Variants in CCDC32 observed in about 807,000 individuals in gnomAD.
The protein encoded by CCDC32 is coiled-coil domain containing 32, also known as coiled-coil domain-containing protein 32.
In CCDC32, 9 loss-of-function variants were observed where a neutral mutation model predicts 20.1. The ratio of observed to expected loss-of-function variants is 0.45; its 90% confidence interval spans 0.27 to 0.78. The LOEUF (loss-of-function observed/expected upper bound fraction) is 0.78. CCDC32 is among the 30% of genes least tolerant of loss of function. CCDC32 has a pLI of 0.16. For synonymous variants in CCDC32, 63 were observed against 79.0 expected (o/e 0.80, Z 1.07); for missense variants, 204 against 215.5 (o/e 0.95, Z 0.33).
Position 40,528,835 on chromosome 15 carries a change from C to T in CCDC32, c.402-45G>A, listed in dbSNP as rs184426144. On this transcript the variant is annotated intron_variant, in intron 3 of 3. Coordinates refer to the CCDC32 transcript ENST00000560305. ...AAAAGAAAAGTAAAAGAAAACCCCT[C>T]AACAGTCCTCTTTGCATAATGGTGG... 1.0e-4 allele frequency: 71 copies of T among 688,872 alleles called. 1 individual carries two copies. Among genetic ancestry groups the T allele is most frequent in the African/African-American group, 8.6e-4 (48 of 56,070 alleles). 42.7% of individuals were successfully genotyped at this position (688,872 alleles called of 1,614,324 possible).
downstream of CCDC32, among the ~76,000 whole-genome samples, chr15:40,530,352 G>C (rs1202049651): frequency 1.1e-4 from 17 of 148,358 alleles, 1 homozygote. Flanking sequence ...GGAGATGTTT[G>C]GGTCATGGGA....
At position 40,542,696 on chromosome 15, in the gene CCDC32, G is replaced by A. The variant is rs139471360; in HGVS notation, c.402-3341C>T. On this transcript the variant is annotated intron_variant, in intron 3 of 3. Coordinates refer to the CCDC32 transcript ENST00000558113. ...ATCCTGGCTAATACGGTGAAACCCC[G>A]TCTCTACTAAAAAATACAAAAAATT... is the stretch of plus-strand genomic sequence containing the variant. 7.8e-3 allele frequency among the ~76,000 whole-genome samples: 1,185 copies of A among 151,964 alleles called. 14 individuals carry two copies. The highest frequency in any genetic ancestry group is 0.027 in the African/African-American group (1,107 of 41,448).
At chr15:40,551,806 T>G (rs1889879143), downstream of CCDC32, among the ~76,000 whole-genome samples, 1 of 67,870 alleles carries the variant, frequency 1.5e-5, no homozygotes, top group Admixed American at 2.5e-4. Context: ...TGAGACCCTG[T>G]CTCAAAAAAA....
intron 2 of CCDC32, among the ~76,000 whole-genome samples, chr15:40,558,762 C>G (rs949271361): frequency 2.0e-5 from 3 of 152,102 alleles, no homozygotes; most frequent in African/African-American, 4.8e-5. Flanking sequence ...CCAGTCTTCA[C>G]TAATCAAAAT....
Position 40,562,805 on chromosome 15 carries a change from A to G in CCDC32, c.211T>C (p.Leu71=). Residue 71 remains leucine, a synonymous_variant, in exon 2 of 4, where the codon TTG becomes CTG. Transcript: ENST00000416810. Reference sequence around the variant, plus strand: ...GCTAAATACACTTCTGAATCCTGCAAGGGAGCCCAAGGCTTTACAGCTGGC... The same window carrying G: ...GCTAAATACACTTCTGAATCCTGCAGGGGAGCCCAAGGCTTTACAGCTGGC... ...VQPAVKPWAP[L]QDSEVYLASL... is the part of the protein sequence containing the mutation. The G allele has an allele frequency of 6.2e-7, 1 of 1,614,174 alleles. No individual in the cohort carries two copies. Among genetic ancestry groups the G allele is most frequent in the Non-Finnish European group, 8.5e-7 (1 of 1,180,020 alleles).
At chr15:40,532,094 T>C, downstream of CCDC32, 1 of 472,008 alleles carries the variant, frequency 2.1e-6, no homozygotes, top group South Asian at 3.8e-5. Context: ...TTTTGCTAAG[T>C]TGTTCTATTA....
chr15:40,556,374 A>AT (rs1890237367), intron 3 of CCDC32, among the ~76,000 whole-genome samples: 1 of 152,138 alleles, frequency 6.6e-6, no homozygotes, highest in Admixed American at 6.5e-5. Context: ...CTTTATATAT[A>AT]TTTGTCATCT....
Position 40,557,368 on chromosome 15 carries a change from C to G in CCDC32, c.249G>C (p.Lys83Asn), listed in dbSNP as rs1890318189. 2 of 1,609,724 alleles carry G rather than the reference C, an allele frequency of 1.2e-6. No homozygotes were observed. The highest frequency in any genetic ancestry group is 2.7e-5 in the African/African-American group (2 of 74,720). The change falls in exon 3 of 4, where the codon AAG becomes AAC. Residue 83 changes from lysine (K) to asparagine (N), a missense_variant. Physicochemically the swap from Lys to Asn is moderately conservative, Grantham distance 94. Coordinates refer to ENST00000416810, the MANE Select transcript of CCDC32 (RefSeq NM_001080792.4). ...DSEVYLASLE[K>N]KLRRIKGLNQ... is the part of the protein sequence containing the mutation. ...TTAAACCTTTGATTCTTCTTAGCTT[C>G]TTCTCTAGAGAGAGAAGTAGAGCTT... is the stretch of plus-strand genomic sequence containing the variant.
At chr15:40,547,794 C>A (rs989481435) in intron 3 of CCDC32, among the ~76,000 whole-genome samples, 1 of 152,212 alleles carries the variant, frequency 6.6e-6, no homozygotes, top group African/African-American at 2.4e-5. Context: ...CCTTGATCAA[C>A]CTCTGCATGC....
chr15:40,562,637 C>A, intron 2 of CCDC32, 135 bp downstream of exon 2: 1 of 1,036,704 alleles, frequency 9.6e-7, no homozygotes, highest in South Asian at 1.6e-5. Context: ...TGCTTCCCAA[C>A]AGCCGGCTTG....
chr15:40,530,279 G>A (rs1049894607), downstream of CCDC32, among the ~76,000 whole-genome samples: 135 of 92,932 alleles, frequency 1.5e-3, 1 homozygote, highest in African/African-American at 4.9e-3. Flanking sequence ...GGCAACGAGC[G>A]AAACTACATC....
downstream of CCDC32, chr15:40,535,771 G>T: frequency 4.1e-6 from 2 of 490,058 alleles, no homozygotes; most frequent in Non-Finnish European, 5.3e-6. Flanking sequence ...AGTTTCACAC[G>T]TTCCACCATA....
At chr15:40,523,999 C>G (rs993213767), downstream of CCDC32, among the ~76,000 whole-genome samples, 7 of 152,132 alleles carry the variant, frequency 4.6e-5, no homozygotes, top group Non-Finnish European at 7.3e-5. Context: ...ATGTTCATAG[C>G]TGTTTTATTC....
At chr15:40,557,138 T>C (rs1293816954) in intron 3 of CCDC32, 78 bp downstream of exon 3, 21 of 1,514,142 alleles carry the variant, frequency 1.4e-5, no homozygotes, top group Non-Finnish European at 1.8e-5. Context: ...TTCTTAAAAA[T>C]CTACTGCTGG....
At chr15:40,533,265 G>A (rs773086204), downstream of CCDC32, among the ~76,000 whole-genome samples, 1 of 152,152 alleles carries the variant, frequency 6.6e-6, no homozygotes, top group Non-Finnish European at 1.5e-5. Flanking sequence ...GCAATTAAAA[G>A]TATACATAAT....
intron 1 of CCDC32, chr15:40,564,764 A>T (rs1890904986): frequency 6.2e-7 from 1 of 1,614,164 alleles, no homozygotes; most frequent in East Asian, 2.2e-5. Flanking sequence ...AACTTTGCTC[A>T]CACCAGAGCC....
chr15:40,548,340 C>T (rs1001352335), downstream of CCDC32, among the ~76,000 whole-genome samples: 3 of 152,202 alleles, frequency 2.0e-5, no homozygotes, highest in Non-Finnish European at 4.4e-5. Flanking sequence ...TTTTGCCCCT[C>T]TCCCTACTGT....
downstream of CCDC32, among the ~76,000 whole-genome samples, chr15:40,524,263 TCTC>T (rs1894870605): frequency 6.7e-6 from 1 of 150,144 alleles, no homozygotes; most frequent in Non-Finnish European, 1.5e-5. Context: ...TTGACGCCAT[TCTC>T]CTGCCTCAGC....
At position 40,553,167 on chromosome 15, in the gene CCDC32, C is replaced by T. The variant is rs144621485; in HGVS notation, c.*804G>A. On this transcript the variant is annotated 3_prime_UTR_variant, in exon 4 of 4. Transcript: ENST00000416810. ...AACACAATAAACAGGGAGGGAAGCT[C>T]GGGCTCAGCCAGGAAACCTGCCACA... is the stretch of plus-strand genomic sequence containing the variant. The T allele has an allele frequency of 0.019, 19,005 of 985,324 alleles. 212 individuals are homozygous for T. Among genetic ancestry groups the T allele is most frequent in the Non-Finnish European group, 0.021 (17,398 of 829,896 alleles). 61.0% of individuals were successfully genotyped at this position (985,324 alleles called of 1,614,324 possible).
Sources: gnomAD v4.1 joint callset for allele counts (sites outside exome capture counted in the v4.1 genomes callset) on GRCh38, gnomAD v4.1.1 for gene constraint, MANE v1.5 for transcripts, NCBI Gene and HGNC (gene_info 2026-07-23, HGNC 2026-07-21) for gene names.